Variants in PPP1R15B observed in about 807,000 individuals in gnomAD.
PPP1R15B encodes protein phosphatase 1 regulatory subunit 15B.
Under a neutral mutation model 53.9 loss-of-function variants are expected in PPP1R15B, and 31 were observed. The ratio of observed to expected loss-of-function variants is 0.58; its 90% CI spans 0.43 to 0.78. The LOEUF (loss-of-function observed/expected upper bound fraction) is 0.78. Ranked by LOEUF, PPP1R15B falls within the 30% of genes least tolerant of loss-of-function variation. The pLI is 0.00. For missense variants in PPP1R15B, 928 were observed against 849.6 expected (o/e 1.09, Z -1.15); for synonymous variants, 345 against 329.1 (o/e 1.05, Z -0.52).
At position 204,410,752 on chromosome 1, in the gene PPP1R15B, G is replaced by C. The variant is rs961927657; in HGVS notation, c.660C>G (p.Ser220=). Residue 220 remains serine (S), a synonymous_variant, in exon 1 of 2, where the codon TCC becomes TCG. Transcript: ENST00000367188. ...IQRIDNFSVV[S]YLLNPSYLDC... ...CCAGGTAGGAAGGGTTCAGCAAATA[G>C]GATACCACACTGAAATTGTCTATGC... 1.2e-6 allele frequency: 2 copies of C among 1,614,116 alleles called. No individual in the cohort carries two copies. Among genetic ancestry groups the C allele is most frequent in the Non-Finnish European group, 1.7e-6 (2 of 1,180,052 alleles).
rs533124196 is a variant in PPP1R15B at position 204,409,209 on chromosome 1, G to A, written c.1920+283C>T. On this transcript the variant is annotated intron_variant, in intron 1 of 1. Coordinates refer to ENST00000367188, the MANE Select transcript of PPP1R15B (RefSeq NM_032833.5). ...TAAAAAGTGTGAAAAATTGAAGCTT[G>A]TAAGGAAACAGTCCAGAACTACCAA... is the stretch of plus-strand genomic sequence containing the variant. Among the ~76,000 whole-genome samples, 3 of 152,292 alleles carry A rather than the reference G, an allele frequency of 2.0e-5. No individual in the cohort carries two copies. The East Asian group carries it at 5.8e-4, about 29-fold the overall frequency.
At chr1:204,396,513 A>G (rs150827924), downstream of PPP1R15B, among the ~76,000 whole-genome samples, 404 of 150,978 alleles carry the variant, frequency 2.7e-3, 4 homozygotes, top group African/African-American at 9.4e-3. Context: ...TGATCACACC[A>G]CTACACTCCA....
At position 204,405,602 on chromosome 1, in the gene PPP1R15B, C is replaced by T. The variant is rs2103443863; in HGVS notation, c.*490G>A. On this transcript the variant is annotated 3_prime_UTR_variant, in exon 2 of 2. Transcript: ENST00000367188. The stretch of plus-strand genomic sequence containing the variant: ...AGGTTATTTTTTAGCCTAACATAGA[C>T]AGGCCAAATCATTGAAATAAAAAAA... The T allele has an allele frequency of 1.0e-6, 1 of 979,312 alleles. No individual in the cohort carries two copies. The highest frequency in any genetic ancestry group is 4.7e-5 in the South Asian group (1 of 21,176). 60.7% of individuals were successfully genotyped at this position (979,312 alleles called of 1,614,324 possible).
chr1:204,399,378 T>G (rs574600818), downstream of PPP1R15B, among the ~76,000 whole-genome samples: 36 of 152,230 alleles, frequency 2.4e-4, no homozygotes, highest in Admixed American at 9.8e-4. Context: ...CTGGGCAACA[T>G]GGTGAAACCC....
At position 204,404,420 on chromosome 1, in the gene PPP1R15B, G is replaced by A. The variant is rs372910081; in HGVS notation, c.*1672C>T. The A allele has an allele frequency of 1.3e-4, 80 of 596,190 alleles. No individual in the cohort carries two copies. In the South Asian group the frequency reaches 5.1e-3, roughly 38 times the overall value. 36.9% of individuals were successfully genotyped at this position (596,190 alleles called of 1,614,324 possible). A position where few individuals can be genotyped will look rare whatever the true frequency, so the allele number is the denominator to read the frequency against. On this transcript the variant is annotated 3_prime_UTR_variant, in exon 2 of 2. Transcript: ENST00000367188. Reference sequence around the variant, plus strand: ...GAATCGCGTGAACCCAGGAGGCGGAGGTTGCAGTGAGCCGAGATCGCGCCA... The same window carrying A: ...GAATCGCGTGAACCCAGGAGGCGGAAGTTGCAGTGAGCCGAGATCGCGCCA...
chr1:204,409,597 AAGT>A lies in PPP1R15B; in HGVS notation c.1812_1814del (p.Leu604_Leu605delinsPhe). Reference sequence around the variant, plus strand: ...TCCCCAACAGCTGCACCTTACAAGAAAGTAAGGTGTGACACTCAGAAATGGCCA... The same window carrying A: ...TCCCCAACAGCTGCACCTTACAAGAAAAGGTGTGACACTCAGAAATGGCCA... On this transcript the variant is annotated inframe_deletion, in exon 1 of 2. Coordinates refer to ENST00000367188, the MANE Select transcript of PPP1R15B (RefSeq NM_032833.5). 1 of 1,614,144 alleles carries A rather than the reference AAGT, an allele frequency of 6.2e-7. No homozygotes were observed. The highest frequency in any genetic ancestry group is 1.3e-5 in the African/African-American group (1 of 75,022).
At chr1:204,397,520 A>G (rs967532611), downstream of PPP1R15B, among the ~76,000 whole-genome samples, 1 of 152,184 alleles carries the variant, frequency 6.6e-6, no homozygotes, top group African/African-American at 2.4e-5. Context: ...AAATAAATAA[A>G]TAGAAAAAGG....
downstream of PPP1R15B, among the ~76,000 whole-genome samples, chr1:204,398,576 G>C (rs924501247): frequency 2.6e-5 from 4 of 152,210 alleles, no homozygotes; most frequent in African/African-American, 9.7e-5. Context: ...CAAAAAGGTG[G>C]AGTCACACTG....
chr1:204,409,756 A>G lies in PPP1R15B; in HGVS notation c.1656T>C (p.Ser552=), dbSNP rs776695503. 3.7e-6 allele frequency: 6 copies of G among 1,613,728 alleles called. No homozygotes were observed. The East Asian group carries it at 1.1e-4, about 30-fold the overall frequency. Residue 552 remains serine, a synonymous_variant, in exon 1 of 2, where the codon AGT becomes AGC. Coordinates refer to ENST00000367188, the MANE Select transcript of PPP1R15B (RefSeq NM_032833.5). ...DWESSADEAE[S]LKLWNSFCNS... ...TACAGAATGAGTTCCACAGTTTGAG[A>G]CTCTCTGCTTCATCTGCACTAGATT... is the stretch of plus-strand genomic sequence containing the variant.
Position 204,411,468 on chromosome 1 carries a change from G to C in PPP1R15B, c.-57C>G. Reference sequence around the variant, plus strand: ...CCGCGGCGCTCAGCGGCTGGAGGTCGACGGGATTCGGAGGAAGCCTACAGA... The same window carrying C: ...CCGCGGCGCTCAGCGGCTGGAGGTCCACGGGATTCGGAGGAAGCCTACAGA... On this transcript the variant is annotated 5_prime_UTR_variant, in exon 1 of 2. Transcript: ENST00000367188. 1 of 1,563,920 alleles carries C rather than the reference G, an allele frequency of 6.4e-7. No homozygotes were observed. Among genetic ancestry groups the C allele is most frequent in the Non-Finnish European group, 8.6e-7 (1 of 1,161,742 alleles).
chr1:204,411,112 A>G lies in PPP1R15B; in HGVS notation c.300T>C (p.Ala100=), dbSNP rs769269720. Residue 100 remains alanine, a synonymous_variant, in exon 1 of 2, where the codon GCT becomes GCC. Transcript: ENST00000367188. ...GGGCTCTCAGGGCGCTGTAGACTCC[A>G]GCAAAATCTAGCCATCTGGTCGGAA... The part of the protein sequence containing the change: ...GMFPTRWLDF[A]GVYSALRALK... 2.5e-6 allele frequency: 4 copies of G among 1,614,226 alleles called. No homozygotes were observed. In the South Asian group the frequency reaches 4.4e-5, roughly 18 times the overall value.
In PPP1R15B at chr1:204,410,487, T is replaced by C. The variant is rs776515101; in HGVS notation, c.925A>G (p.Lys309Glu). ...TCAGGGGTGGGTAAATCTTGCCCCT[T>C]GCTAGCCTGTTGAAGGAATTCCAGC... is the stretch of plus-strand genomic sequence containing the variant. Reference protein sequence around the residue: ...KRLEFLQQASKGQDLPTPDQD... With the variant: ...KRLEFLQQASEGQDLPTPDQD... Residue 309 changes from lysine (K) to glutamate (E), a missense_variant, in exon 1 of 2, where the codon AAG becomes GAG. Transcript: ENST00000367188. 7 of 1,614,180 alleles carry C rather than the reference T, an allele frequency of 4.3e-6. No homozygotes were observed. The highest frequency in any genetic ancestry group is 5.9e-6 in the Non-Finnish European group (7 of 1,180,030).
At chr1:204,402,349 C>T (rs1674191578), downstream of PPP1R15B, among the ~76,000 whole-genome samples, 1 of 151,994 alleles carries the variant, frequency 6.6e-6, no homozygotes, top group Admixed American at 6.6e-5. Context: ...AAATTTTTTT[C>T]TGATAACATT....
chr1:204,409,647 T>C lies in PPP1R15B; in HGVS notation c.1765A>G (p.Lys589Glu), dbSNP rs17855962. The C allele has an allele frequency of 0.021, 34,271 of 1,613,680 alleles. 467 individuals are homozygous for C. Among genetic ancestry groups the C allele is most frequent in the South Asian group, 0.043 (3,936 of 91,082 alleles). Residue 589 changes from lysine to glutamate, a missense_variant, in exon 1 of 2, where the codon AAG becomes GAG. Physicochemically the swap from Lys to Glu is moderately conservative, Grantham distance 56. Transcript: ENST00000367188. The part of the protein sequence containing the change: ...GENEKGCRDS[K>E]TPSESIVAIS... The stretch of plus-strand genomic sequence containing the variant: ...GCCACAATGGACTCAGATGGGGTCT[T>C]TGAGTCACGACAGCCTTTCTCATTT...
chr1:204,397,436 GA>G (rs1200989453), downstream of PPP1R15B, among the ~76,000 whole-genome samples: 1 of 151,942 alleles, frequency 6.6e-6, no homozygotes, highest in Non-Finnish European at 1.5e-5. Context: ...TGAGACATGA[GA>G]ATTGCTTGAG....
Position 204,404,957 on chromosome 1 carries a change from A to C in PPP1R15B, c.*1135T>G, listed in dbSNP as rs1674239399. The C allele has an allele frequency of 2.0e-6, 2 of 985,168 alleles. No individual in the cohort carries two copies. Among genetic ancestry groups the C allele is most frequent in the Non-Finnish European group, 2.4e-6 (2 of 829,418 alleles). The allele number at this position is 985,168 out of a possible 1,614,324, so 61.0% of individuals were successfully genotyped here. A position where few individuals can be genotyped will look rare whatever the true frequency, so the allele number is the denominator to read the frequency against. On this transcript the variant is annotated 3_prime_UTR_variant, in exon 2 of 2. Coordinates refer to ENST00000367188, the MANE Select transcript of PPP1R15B (RefSeq NM_032833.5). ...TATACTTCTATCCTTTCCTGAAAGT[A>C]AAGGCCTTGCCATTACTTCTCTCAT...
At position 204,411,135 on chromosome 1, in the gene PPP1R15B, G is replaced by C; in HGVS notation, c.277C>G (p.Pro93Ala). The change falls in exon 1 of 2, where the codon CCG becomes GCG. Residue 93 changes from proline (P) to alanine (A), a missense_variant. Pro to Ala is a conservative substitution (Grantham distance 27, BLOSUM62 -1). Transcript: ENST00000367188. ...CCAGCAAAATCTAGCCATCTGGTCG[G>C]AAACATTCCACCGAAAAGTTGGCTC... ...IWSQLFGGMF[P>A]TRWLDFAGVY... The C allele has an allele frequency of 6.2e-7, 1 of 1,614,214 alleles. No homozygotes were observed. Among genetic ancestry groups the C allele is most frequent in the Non-Finnish European group, 8.5e-7 (1 of 1,180,038 alleles).
downstream of PPP1R15B, among the ~76,000 whole-genome samples, chr1:204,398,540 G>C (rs3014622): frequency 0.84 from 127,169 of 152,166 alleles, 53,871 homozygotes; most frequent in Non-Finnish European, 0.91. Flanking sequence ...CTATAAGAAA[G>C]AGCCCCTACT....
Position 204,411,172 on chromosome 1 carries a change from C to T in PPP1R15B, c.240G>A (p.Lys80=), listed in dbSNP as rs758586074. The change falls in exon 1 of 2, where the codon AAG becomes AAA. Residue 80 remains lysine (K), a synonymous_variant. Transcript: ENST00000367188. ...LLAPLPGLLQ[K]VLIWSQLFGG... is the part of the protein sequence containing the mutation. The stretch of plus-strand genomic sequence containing the variant: ...CGAAAAGTTGGCTCCAAATTAGCAC[C>T]TTCTGAAGCAATCCGGGGAGCGGCG... 1.2e-6 allele frequency: 2 copies of T among 1,614,234 alleles called. No individual in the cohort carries two copies. Among genetic ancestry groups the T allele is most frequent in the Non-Finnish European group, 1.7e-6 (2 of 1,180,052 alleles).
Sources: allele counts gnomAD v4.1 joint callset (sites outside exome capture counted in the v4.1 genomes callset), GRCh38; gene constraint gnomAD v4.1.1; transcripts MANE v1.5; gene names NCBI Gene and HGNC (gene_info 2026-07-23, HGNC 2026-07-21).